The following KCTD8 variants were observed in gnomAD, a reference collection of about 807,000 sequenced individuals.
The protein encoded by KCTD8 is BTB/POZ domain-containing protein KCTD8.
In KCTD8, 27 loss-of-function variants were observed where a neutral mutation model predicts 31.5. The observed-to-expected ratio is 0.86, with a 90% CI of 0.63 to 1.18. KCTD8 has a LOEUF of 1.18. Ranked by LOEUF, KCTD8 falls within the 50% of genes most tolerant of loss-of-function variation. The probability of loss-of-function intolerance (pLI) is 0.00; values close to 1 mark genes in which losing one functional copy is unlikely to be tolerated. For missense variants in KCTD8, 658 were observed against 647.7 expected, an observed-to-expected ratio of 1.02 and a Z score of -0.17; for synonymous variants, 290 against 280.0, an observed-to-expected ratio of 1.04 and a Z score of -0.36.
At chr4:44,190,002 C>A (rs1713714463) in intron 1 of KCTD8, among the ~76,000 whole-genome samples, 1 of 152,138 alleles carries the variant, frequency 6.6e-6, no homozygotes, top group African/African-American at 2.4e-5. Flanking sequence ...ATACCTCAAT[C>A]ATTTTCCTCA....
At chr4:44,196,929 G>GCAGT (rs2109337446) in intron 1 of KCTD8, among the ~76,000 whole-genome samples, 1 of 152,328 alleles carries the variant, frequency 6.6e-6, no homozygotes, top group Non-Finnish European at 1.5e-5. Flanking sequence ...ATGCTGGGGA[G>GCAGT]CAGTCAGACT....
intron 1 of KCTD8, among the ~76,000 whole-genome samples, chr4:44,442,774 T>TACACATGTATACACACAC (rs1553908578): frequency 6.8e-6 from 1 of 147,234 alleles, no homozygotes; most frequent in Admixed American, 6.8e-5. Flanking sequence ...AACTAAGGTA[T>TACACATGTATACACACAC]ACACACACAC....
At chr4:44,198,253 T>A (rs1294300721) in intron 1 of KCTD8, among the ~76,000 whole-genome samples, 2 of 152,084 alleles carry the variant, frequency 1.3e-5, no homozygotes, top group African/African-American at 4.8e-5. Flanking sequence ...TCTATGAAAA[T>A]TTCCCCAATC....
intron 1 of KCTD8, among the ~76,000 whole-genome samples, chr4:44,334,071 A>G (rs1031489575): frequency 1.3e-5 from 2 of 152,096 alleles, no homozygotes; most frequent in African/African-American, 4.8e-5. Flanking sequence ...GAGAATTTGA[A>G]GAACAGAATT....
At position 44,390,699 on chromosome 4, in the gene KCTD8, G is replaced by C. The variant is rs780787363; in HGVS notation, c.961+56864C>G. Among the ~76,000 whole-genome samples the C allele has an allele frequency of 2.4e-4, 37 of 151,850 alleles. No individual in the cohort carries two copies. In the Middle Eastern group the frequency reaches 0.01, roughly 42 times the overall value. ...CATAACGCGATACCACCTTATTCCT[G>C]CAAGAATGGCTATAATCAATAATTC... On this transcript the variant is annotated intron_variant, in intron 1 of 1. Transcript: ENST00000360029.
intron 1 of KCTD8, among the ~76,000 whole-genome samples, chr4:44,308,241 T>C (rs977745036): frequency 6.6e-6 from 1 of 152,060 alleles, no homozygotes; most frequent in East Asian, 1.9e-4. Flanking sequence ...TTCAAACTGG[T>C]ATATCGATAT....
chr4:44,239,475 T>C (rs746868009), intron 1 of KCTD8, among the ~76,000 whole-genome samples: 2 of 152,192 alleles, frequency 1.3e-5, no homozygotes, highest in African/African-American at 4.8e-5. Context: ...AGGTAGCATA[T>C]GGAAAGGCCA....
At chr4:44,213,081 G>C (rs1300833227) in intron 1 of KCTD8, among the ~76,000 whole-genome samples, 1 of 151,984 alleles carries the variant, frequency 6.6e-6, no homozygotes, top group Non-Finnish European at 1.5e-5. Flanking sequence ...GGGTCTACAG[G>C]CGCCCGCCAC....
intron 1 of KCTD8, among the ~76,000 whole-genome samples, chr4:44,206,491 C>T (rs1012560795): frequency 6.6e-6 from 1 of 152,106 alleles, no homozygotes; most frequent in Non-Finnish European, 1.5e-5. Context: ...GTTATTGCCA[C>T]CTCTTTTTAT....
intron 1 of KCTD8, among the ~76,000 whole-genome samples, chr4:44,341,229 A>C (rs544110437): frequency 2.6e-4 from 39 of 152,236 alleles, no homozygotes; most frequent in Admixed American, 5.2e-4. Context: ...GCTAACAATC[A>C]TCTGGGTCTT....
intron 1 of KCTD8, among the ~76,000 whole-genome samples, chr4:44,418,833 G>T (rs1271821247): frequency 6.6e-6 from 1 of 152,114 alleles, no homozygotes; most frequent in Admixed American, 6.6e-5. Flanking sequence ...AAAGTGCTAA[G>T]CACAGCACAT....
chr4:44,349,201 T>C (rs528810774), intron 1 of KCTD8, among the ~76,000 whole-genome samples: 2 of 151,830 alleles, frequency 1.3e-5, no homozygotes, highest in East Asian at 3.9e-4. Flanking sequence ...TGAGATGAAG[T>C]TAGGAGTGCA....
intron 1 of KCTD8, among the ~76,000 whole-genome samples, chr4:44,388,853 A>G (rs1168227192): frequency 6.6e-6 from 1 of 151,792 alleles, no homozygotes; most frequent in Non-Finnish European, 1.5e-5. Context: ...TGAACTTAAA[A>G]TAAGAGTAAA....
At chr4:44,369,043 G>A (rs980743195) in intron 1 of KCTD8, among the ~76,000 whole-genome samples, 8 of 152,062 alleles carry the variant, frequency 5.3e-5, no homozygotes, top group African/African-American at 1.2e-4. Flanking sequence ...AGTATTCATC[G>A]TAGCTGAATG....
chr4:44,299,515 G>C (rs574078021), intron 1 of KCTD8, among the ~76,000 whole-genome samples: 23 of 152,238 alleles, frequency 1.5e-4, no homozygotes, highest in African/African-American at 5.3e-4. Flanking sequence ...CGGATCACAA[G>C]GTCAGGAGAT....
chr4:44,380,608 T>C (rs1317952905), intron 1 of KCTD8, among the ~76,000 whole-genome samples: 7 of 151,860 alleles, frequency 4.6e-5, no homozygotes, highest in African/African-American at 1.7e-4. Context: ...TTATAGTACA[T>C]AAATGATAAT....
chr4:44,229,311 G>A (rs1332585040), intron 1 of KCTD8, among the ~76,000 whole-genome samples: 1 of 152,130 alleles, frequency 6.6e-6, no homozygotes, highest in South Asian at 2.1e-4. Flanking sequence ...ATTTCCTGGT[G>A]GTCCACACCT....
chr4:44,249,090 G>A (rs368875645), intron 1 of KCTD8, among the ~76,000 whole-genome samples: 6 of 151,708 alleles, frequency 4.0e-5, no homozygotes, highest in African/African-American at 9.7e-5. Flanking sequence ...AACAGTAAAC[G>A]AAGAAGGTTT....
At chr4:44,369,375 G>A (rs1285409453) in intron 1 of KCTD8, among the ~76,000 whole-genome samples, 1 of 152,170 alleles carries the variant, frequency 6.6e-6, no homozygotes, top group Non-Finnish European at 1.5e-5. Flanking sequence ...CTACGAGTAT[G>A]TTCAAAAGAA....
Sources: allele counts gnomAD v4.1 joint callset (sites outside exome capture counted in the v4.1 genomes callset), GRCh38; gene constraint gnomAD v4.1.1; transcripts MANE v1.5; gene names NCBI Gene and HGNC (gene_info 2026-07-23, HGNC 2026-07-21).